SYN2: variants seen among roughly 807,000 people sequenced by gnomAD.
The protein encoded by SYN2 is synapsin II, also known as synapsin-2.
A neutral mutation model predicts 50.9 loss-of-function variants in SYN2; 19 were observed. That is an observed-to-expected ratio of 0.37 (90% CI 0.26 to 0.55). SYN2 has a LOEUF of 0.55. Ranked by LOEUF, SYN2 falls within the 20% of genes least tolerant of loss-of-function variation. SYN2 has a pLI of 0.81. For synonymous variants in SYN2, 255 were observed against 224.9 expected (o/e 1.13, Z -1.20); for missense variants, 587 against 576.4 (o/e 1.02, Z -0.19).
chr3:12,167,407 G>C, intron 8 of SYN2, 99 bp downstream of exon 8: 1 of 1,254,594 alleles, frequency 8.0e-7, no homozygotes, highest in Non-Finnish European at 1.1e-6. Context: ...GGGAGTCATG[G>C]AGCAAACCGG....
At chr3:12,157,409 G>T (rs557105001) in intron 5 of SYN2, 1 of 1,614,130 alleles carries the variant, frequency 6.2e-7, no homozygotes, top group South Asian at 1.1e-5. Flanking sequence ...TTTCATACCG[G>T]AGCATTTTTT....
chr3:12,044,990 C>T (rs1694704403), intron 1 of SYN2, among the ~76,000 whole-genome samples: 1 of 151,626 alleles, frequency 6.6e-6, no homozygotes, highest in South Asian at 2.1e-4. Context: ...GGAAATATAC[C>T]CAAGGTCATG....
chr3:12,021,176 A>G (rs927261045), intron 1 of SYN2, among the ~76,000 whole-genome samples: 6 of 152,202 alleles, frequency 3.9e-5, no homozygotes, highest in South Asian at 4.2e-4. Context: ...TTGACTTCCA[A>G]TTTTTCACCA....
chr3:12,190,433 T>G, intron 12 of SYN2, 57 bp from the exon 13 acceptor site: 1 of 1,601,144 alleles, frequency 6.2e-7, no homozygotes, highest in South Asian at 1.1e-5. Context: ...TCACCGTCCT[T>G]CCCTGCCTTG....
Position 12,183,601 on chromosome 3 carries a change from G to T in SYN2, c.1369+229G>T, listed in dbSNP as rs138623846. On this transcript the variant is annotated intron_variant, in intron 11 of 12. Transcript: ENST00000621198. ...CTATGCAGTGTCAGCTCCTCTGTCT[G>T]GTTGTTTACCTGTTCCTGTTCGTGC... 880 of 1,470,320 alleles carry T rather than the reference G, an allele frequency of 6.0e-4. 1 individual carries two copies. Among genetic ancestry groups the T allele is most frequent in the Middle Eastern group, 2.2e-3 (9 of 4,178 alleles). The allele number at this position is 1,470,320 out of a possible 1,614,324, so 91.1% of individuals were successfully genotyped here.
intron 5 of SYN2, chr3:12,153,309 G>A (rs1697358051): frequency 1.6e-6 from 1 of 614,488 alleles, no homozygotes; most frequent in East Asian, 2.8e-5. Context: ...AGACTAATGG[G>A]GTTTGGGAGG....
chr3:12,043,062 A>G (rs1282825087), intron 1 of SYN2, among the ~76,000 whole-genome samples: 3 of 149,082 alleles, frequency 2.0e-5, no homozygotes, highest in Non-Finnish European at 3.0e-5. Flanking sequence ...TTGCTCTGAC[A>G]CCCAGGCTGG....
At chr3:12,078,848 A>G (rs1478327285) in intron 1 of SYN2, among the ~76,000 whole-genome samples, 3 of 152,132 alleles carry the variant, frequency 2.0e-5, no homozygotes, top group Non-Finnish European at 4.4e-5. Flanking sequence ...AAGAATGTCA[A>G]CGGTAGTTTA....
At chr3:12,087,939 G>A (rs1490615879) in intron 1 of SYN2, among the ~76,000 whole-genome samples, 1 of 151,446 alleles carries the variant, frequency 6.6e-6, no homozygotes, top group African/African-American at 2.4e-5. Context: ...CCCTCAAAAT[G>A]AATTAAAACA....
At chr3:12,064,396 T>G (rs1478279825) in intron 1 of SYN2, among the ~76,000 whole-genome samples, 1 of 151,960 alleles carries the variant, frequency 6.6e-6, no homozygotes, top group Admixed American at 6.6e-5. Context: ...ATAAATAAAT[T>G]GAACTTCATC....
intron 1 of SYN2, among the ~76,000 whole-genome samples, chr3:12,120,967 G>A (rs1006941551): frequency 6.6e-6 from 1 of 152,088 alleles, no homozygotes. Flanking sequence ...CTCTGTTATA[G>A]TATCATAACT....
intron 5 of SYN2, among the ~76,000 whole-genome samples, chr3:12,155,990 C>A (rs113912171): frequency 0.014 from 2,072 of 152,292 alleles, 44 homozygotes; most frequent in African/African-American, 0.048. Context: ...ATTGTAGCCT[C>A]CAGTGCCTAT....
chr3:12,153,516 T>G (rs1165180325), intron 5 of SYN2: 3 of 1,613,042 alleles, frequency 1.9e-6, no homozygotes, highest in African/African-American at 1.3e-5. Flanking sequence ...TGGTCCCTAC[T>G]AGGGCTGAAC....
At chr3:12,180,487 T>C (rs1698197213) in intron 10 of SYN2, among the ~76,000 whole-genome samples, 1 of 152,124 alleles carries the variant, frequency 6.6e-6, no homozygotes, top group South Asian at 2.1e-4. Context: ...ATGCTCTGGG[T>C]GACTGGAAAC....
In SYN2 at chr3:12,072,388, T is replaced by C. The variant is rs116582814; in HGVS notation, c.377+67460T>C. Among the ~76,000 whole-genome samples the C allele has an allele frequency of 5.5e-3, 832 of 152,336 alleles. 11 individuals are homozygous for C. Among genetic ancestry groups the C allele is most frequent in the African/African-American group, 0.019 (789 of 41,582 alleles). On this transcript the variant is annotated intron_variant, in intron 1 of 12. Coordinates refer to ENST00000621198, the MANE Select transcript of SYN2 (RefSeq NM_133625.6). Reference sequence around the variant, plus strand: ...TGTTGGTTGTGGTTTTGAGGTCATATCTGTTATCTAGTCCGAAGTCACAAA... The same window carrying C: ...TGTTGGTTGTGGTTTTGAGGTCATACCTGTTATCTAGTCCGAAGTCACAAA...
At chr3:12,126,735 A>G (rs2125206317) in intron 1 of SYN2, among the ~76,000 whole-genome samples, 1 of 152,328 alleles carries the variant, frequency 6.6e-6, no homozygotes, top group South Asian at 2.1e-4. Context: ...AGATAATGCT[A>G]TCTACCTTAT....
chr3:12,121,728 GGAAGGAAT>G (rs1029242423), intron 1 of SYN2, among the ~76,000 whole-genome samples: 3 of 151,180 alleles, frequency 2.0e-5, no homozygotes, highest in African/African-American at 4.9e-5. Context: ...GAGGGAGGAA[GGAAGGAAT>G]GAAGGAAAGA....
intron 1 of SYN2, among the ~76,000 whole-genome samples, chr3:12,067,870 G>A (rs1231244206): frequency 6.6e-6 from 1 of 152,176 alleles, no homozygotes; most frequent in Admixed American, 6.5e-5. Context: ...ATACCAGCAT[G>A]GGCAATGTGG....
chr3:12,057,777 A>G (rs1449397613), intron 1 of SYN2, among the ~76,000 whole-genome samples: 1 of 152,224 alleles, frequency 6.6e-6, no homozygotes, highest in Admixed American at 6.5e-5. Context: ...CAATCAGGGA[A>G]GATTTTATGA....
Sources: allele counts gnomAD v4.1 joint callset (sites outside exome capture counted in the v4.1 genomes callset), GRCh38; gene constraint gnomAD v4.1.1; transcripts MANE v1.5; gene names NCBI Gene and HGNC (gene_info 2026-07-23, HGNC 2026-07-21).